The following BRINP1 variants were observed in gnomAD, a reference collection of about 807,000 sequenced individuals.
BRINP1 encodes the protein BMP/retinoic acid inducible neural specific 1.
A neutral mutation model predicts 72.9 loss-of-function variants in BRINP1; 17 were observed. The observed-to-expected ratio is 0.23, with a 90% CI of 0.16 to 0.35. The LOEUF (loss-of-function observed/expected upper bound fraction) is 0.35, where lower values mean the gene tolerates loss of function less well. BRINP1 is among the 10% of genes least tolerant of loss of function. The probability of loss-of-function intolerance (pLI) is 1.00; values close to 1 mark genes in which losing one functional copy is unlikely to be tolerated. For synonymous variants in BRINP1, 418 were observed against 378.5 expected (o/e 1.10, Z -1.21); for missense variants, 850 against 1,001.6 (o/e 0.85, Z 2.04).
intron 1 of BRINP1, among the ~76,000 whole-genome samples, chr9:119,314,445 A>C (rs1186089786): frequency 6.6e-6 from 1 of 152,168 alleles, no homozygotes; most frequent in Non-Finnish European, 1.5e-5. Flanking sequence ...AGCTCACTAC[A>C]ACCTCCGCCT....
chr9:119,321,133 G>A (rs28577021), intron 1 of BRINP1, among the ~76,000 whole-genome samples: 3,742 of 152,152 alleles, frequency 0.025, 175 homozygotes, highest in African/African-American at 0.086. Context: ...GGGTTTCACC[G>A]TGTTAGCCAA....
intron 1 of BRINP1, among the ~76,000 whole-genome samples, chr9:119,336,220 G>C (rs1182724891): frequency 2.0e-5 from 3 of 152,120 alleles, no homozygotes; most frequent in African/African-American, 7.2e-5. Flanking sequence ...TTATGAAAAA[G>C]GAAATCAAGG....
chr9:119,187,607 T>C (rs1300655454), intron 7 of BRINP1, among the ~76,000 whole-genome samples: 1 of 151,296 alleles, frequency 6.6e-6, no homozygotes, highest in Admixed American at 6.6e-5. Context: ...TAATCGGTGA[T>C]TGTCCACTAA....
intron 3 of BRINP1, among the ~76,000 whole-genome samples, chr9:119,243,053 G>A (rs1830273760): frequency 6.6e-6 from 1 of 151,552 alleles, no homozygotes; most frequent in African/African-American, 2.4e-5. Context: ...ATCACAAACT[G>A]GTGCAAATTT....
chr9:119,211,164 CTTT>C (rs1829921855), intron 6 of BRINP1, among the ~76,000 whole-genome samples: 2 of 147,118 alleles, frequency 1.4e-5, no homozygotes, highest in Admixed American at 1.4e-4. Flanking sequence ...AATACATTAA[CTTT>C]ATTTATTTAT....
intron 2 of BRINP1, among the ~76,000 whole-genome samples, chr9:119,262,903 G>A (rs1013395211): frequency 6.6e-6 from 1 of 152,148 alleles, no homozygotes; most frequent in African/African-American, 2.4e-5. Flanking sequence ...TGGGAGTAAG[G>A]TTTTGTCTCT....
intron 1 of BRINP1, among the ~76,000 whole-genome samples, chr9:119,361,509 A>G (rs1831629641): frequency 6.6e-6 from 1 of 152,178 alleles, no homozygotes; most frequent in Non-Finnish European, 1.5e-5. Flanking sequence ...GACCTCTTTT[A>G]AATTTCCTTA....
chr9:119,233,508 C>T (rs1445785463), intron 5 of BRINP1, among the ~76,000 whole-genome samples: 1 of 152,144 alleles, frequency 6.6e-6, no homozygotes, highest in Non-Finnish European at 1.5e-5. Flanking sequence ...CTCCTCTAAC[C>T]TCAGTTCATG....
chr9:119,309,089 C>G (rs1268158765), intron 2 of BRINP1, among the ~76,000 whole-genome samples: 4 of 152,134 alleles, frequency 2.6e-5, no homozygotes, highest in African/African-American at 9.7e-5. Context: ...AGTAAACAAC[C>G]AACATCTGAA....
chr9:119,289,432 G>A (rs948296073), intron 2 of BRINP1, among the ~76,000 whole-genome samples: 3 of 152,148 alleles, frequency 2.0e-5, no homozygotes. Context: ...GTTAACTCTG[G>A]CTGTTCCGTG....
intron 2 of BRINP1, among the ~76,000 whole-genome samples, chr9:119,255,265 C>T (rs1364600750): frequency 6.6e-6 from 1 of 152,208 alleles, no homozygotes; most frequent in African/African-American, 2.4e-5. Flanking sequence ...GAAGGCAGAA[C>T]TCACAATGGC....
At chr9:119,365,602 G>T (rs149182777) in intron 1 of BRINP1, among the ~76,000 whole-genome samples, 1 of 152,242 alleles carries the variant, frequency 6.6e-6, no homozygotes, top group African/African-American at 2.4e-5. Context: ...GGGGCCTTTG[G>T]GCAAAGACCT....
At chr9:119,229,855 C>T (rs1328945396) in intron 5 of BRINP1, among the ~76,000 whole-genome samples, 1 of 152,074 alleles carries the variant, frequency 6.6e-6, no homozygotes, top group African/African-American at 2.4e-5. Flanking sequence ...TGTATTCATT[C>T]ACACAGTCGT....
intron 3 of BRINP1, among the ~76,000 whole-genome samples, chr9:119,246,963 G>A (rs544525803): frequency 6.6e-6 from 1 of 152,272 alleles, no homozygotes; most frequent in East Asian, 1.9e-4. Context: ...TGTAAAAATA[G>A]GAGAGGAACA....
At chr9:119,303,214 C>G (rs537795212) in intron 2 of BRINP1, among the ~76,000 whole-genome samples, 13 of 151,952 alleles carry the variant, frequency 8.6e-5, no homozygotes, top group Admixed American at 2.6e-4. Context: ...ACCTTGCTGA[C>G]TTTCTCTGAA....
intron 5 of BRINP1, among the ~76,000 whole-genome samples, chr9:119,218,368 C>T (rs922975543): frequency 6.6e-6 from 1 of 151,960 alleles, no homozygotes; most frequent in Admixed American, 6.5e-5. Context: ...TGGTTTTGAG[C>T]TCTTGACCTC....
chr9:119,261,943 T>G (rs475378), intron 2 of BRINP1, among the ~76,000 whole-genome samples: 1 of 151,506 alleles, frequency 6.6e-6, no homozygotes, highest in Non-Finnish European at 1.5e-5. Context: ...CCTAAACCCC[T>G]AGTAGACTCA....
At chr9:119,205,679 G>A (rs10760025) in intron 7 of BRINP1, among the ~76,000 whole-genome samples, 70,988 of 151,838 alleles carry the variant, frequency 0.47, 18,455 homozygotes, top group East Asian at 0.66. Flanking sequence ...AAATCCTCTC[G>A]AGTCTTCCCT....
rs373243928 is a variant in BRINP1 at position 119,296,901 on chromosome 9, A to G, written c.218+16237T>C. On this transcript the variant is annotated intron_variant, in intron 2 of 7. Transcript: ENST00000265922. ...GAGTTTGGTCAAAGGGTACGAACGA[A>G]GTTTCTGTTATGCCAAATAAGTAAG... 3.4e-3 allele frequency among the ~76,000 whole-genome samples: 515 copies of G among 150,052 alleles called. 4 individuals are homozygous for G. The highest frequency in any genetic ancestry group is 0.012 in the African/African-American group (498 of 41,294).
Sources: gnomAD v4.1 joint callset for allele counts (sites outside exome capture counted in the v4.1 genomes callset) on GRCh38, gnomAD v4.1.1 for gene constraint, MANE v1.5 for transcripts, NCBI Gene and HGNC (gene_info 2026-07-23, HGNC 2026-07-21) for gene names.